The following ABCB8 variants were observed in gnomAD, a reference collection of about 807,000 sequenced individuals.
The protein encoded by ABCB8 is mitochondrial potassium channel ATP-binding subunit.
Under a neutral mutation model 73.0 loss-of-function variants are expected in ABCB8, and 52 were observed. That is an observed-to-expected ratio of 0.71 (90% CI 0.57 to 0.90). The LOEUF is 0.90. Ranked by LOEUF, ABCB8 falls within the 40% of genes least tolerant of loss-of-function variation. ABCB8 has a pLI of 0.00. For missense variants in ABCB8, 909 were observed against 974.6 expected, an observed-to-expected ratio of 0.93 and a Z score of 0.90; for synonymous variants, 428 against 423.5, an observed-to-expected ratio of 1.01 and a Z score of -0.13.
chr7:151,036,209 G>A (rs770877051), intron 8 of ABCB8, 39 bp downstream of exon 8: 22 of 1,561,432 alleles, frequency 1.4e-5, no homozygotes, highest in Non-Finnish European at 1.7e-5. Flanking sequence ...GCGCTTGTGG[G>A]CTGGGGAGGA....
intron 1 of ABCB8, chr7:151,029,041 AGGCCGGGCGC>A: frequency 8.6e-7 from 1 of 1,156,128 alleles, no homozygotes. Context: ...CCAATCTAAT[AGGCCGGGCGC>A]GGTGGCTCGC....
chr7:151,035,023 G>A (rs1796265496), intron 5 of ABCB8, among the ~76,000 whole-genome samples, 194 bp downstream of exon 5: 1 of 152,232 alleles, frequency 6.6e-6, no homozygotes. Context: ...CAGTGTCCAA[G>A]GTCAGGACAG....
chr7:151,031,401 A>C, intron 1 of ABCB8: 1 of 1,396,062 alleles, frequency 7.2e-7, no homozygotes, highest in Non-Finnish European at 9.5e-7. Context: ...CAAAAGGCAC[A>C]GGCCTTCCTG....
Position 151,034,607 on chromosome 7 carries a change from C to T in ABCB8, c.659+8C>T. The T allele has an allele frequency of 6.2e-7, 1 of 1,613,904 alleles. No individual in the cohort carries two copies. The highest frequency in any genetic ancestry group is 1.1e-5 in the South Asian group (1 of 91,088). On this transcript the variant is annotated splice_region_variant and intron_variant, in intron 4 of 15. Coordinates refer to ENST00000358849, the MANE Select transcript of ABCB8 (RefSeq NM_007188.5). The stretch of plus-strand genomic sequence containing the variant: ...CTTCAGCTCCCTGCTCCGGTACTGC[C>T]AGCCGCAGGGTGCAGAGTTGGGGTG...
chr7:151,042,098 C>T lies in ABCB8; in HGVS notation c.1755C>T (p.Asn585=), dbSNP rs776092694. Residue 585 remains asparagine (N), a synonymous_variant, in exon 14 of 16, where the codon AAC becomes AAT. Transcript: ENST00000358849. ...EFITSFPEGY[N]TVVGERGTTL... Reference sequence around the variant, plus strand: ...TCACCAGCTTCCCCGAGGGCTACAACACGGTCGTCGGTGGGTGCTCGGGTC... The same window carrying T: ...TCACCAGCTTCCCCGAGGGCTACAATACGGTCGTCGGTGGGTGCTCGGGTC... 2 of 1,613,062 alleles carry T rather than the reference C, an allele frequency of 1.2e-6. No homozygotes were observed. The highest frequency in any genetic ancestry group is 2.2e-5 in the East Asian group (1 of 44,878).
intron 1 of ABCB8, among the ~76,000 whole-genome samples, chr7:151,032,001 G>C (rs1337574920): frequency 6.6e-6 from 1 of 152,158 alleles, no homozygotes; most frequent in Non-Finnish European, 1.5e-5. Flanking sequence ...AAGTCCAGGA[G>C]CTTTATAAGA....
chr7:151,031,469 G>C, intron 1 of ABCB8: 3 of 754,686 alleles, frequency 4.0e-6, no homozygotes, highest in Non-Finnish European at 5.9e-6. Flanking sequence ...GATGTGAAAG[G>C]CCATGATGGT....
At chr7:151,036,987 T>C (rs1309863850) in intron 9 of ABCB8, 1 of 688,726 alleles carries the variant, frequency 1.5e-6, no homozygotes, top group African/African-American at 1.8e-5. Context: ...CATTTTGAAG[T>C]GTGCAGCTCA....
At chr7:151,029,337 T>C (rs1441100494) in intron 1 of ABCB8, among the ~76,000 whole-genome samples, 1 of 151,022 alleles carries the variant, frequency 6.6e-6, no homozygotes, top group African/African-American at 2.4e-5. Context: ...TAGTAACTTG[T>C]ACATGTGTGT....
In ABCB8 at chr7:151,036,150, T is replaced by A; in HGVS notation, c.1091T>A (p.Leu364His). 6.2e-7 allele frequency: 1 copy of A among 1,610,802 alleles called. No homozygotes were observed. Among genetic ancestry groups the A allele is most frequent in the African/African-American group, 1.3e-5 (1 of 75,008 alleles). ...LGRGIALFQG[L>H]SNIAFNCMVL... ...CGCGGCATCGCCTTGTTCCAAGGGC[T>A]TTCCAACATCGCCTTCAACTGTGAG... The change falls in exon 8 of 16, where the codon CTT becomes CAT. Residue 364 changes from leucine (L) to histidine (H), a missense_variant. Transcript: ENST00000358849.
At chr7:151,029,914 G>A (rs181123328) in intron 1 of ABCB8, among the ~76,000 whole-genome samples, 53 of 152,334 alleles carry the variant, frequency 3.5e-4, no homozygotes, top group Admixed American at 1.2e-3. Flanking sequence ...CTGACTGATG[G>A]AGGGCAAGAG....
intron 1 of ABCB8, among the ~76,000 whole-genome samples, chr7:151,032,203 G>A (rs945761890): frequency 6.6e-6 from 1 of 152,098 alleles, no homozygotes; most frequent in African/African-American, 2.4e-5. Context: ...CCCCCTCACA[G>A]GTTCCCCCTT....
At chr7:151,034,122 C>CT in intron 2 of ABCB8, 151 bp from the exon 3 acceptor site, 8 of 1,127,376 alleles carry the variant, frequency 7.1e-6, no homozygotes, top group Non-Finnish European at 9.9e-6. Flanking sequence ...GTTTGAACCT[C>CT]TGAGAGGCAC....
Position 151,045,481 on chromosome 7 carries a change from A to C in ABCB8, c.*132A>C. 8.4e-7 allele frequency: 1 copy of C among 1,185,862 alleles called. No homozygotes were observed. Among genetic ancestry groups the C allele is most frequent in the Non-Finnish European group, 1.1e-6 (1 of 918,112 alleles). 73.5% of individuals were successfully genotyped at this position (1,185,862 alleles called of 1,614,324 possible). Reference sequence around the variant, plus strand: ...AGAGTCGCTGCGGCTGCTCCTGCTCACAATAAAGCCGGGGCCGAGCAGCTG... The same window carrying C: ...AGAGTCGCTGCGGCTGCTCCTGCTCCCAATAAAGCCGGGGCCGAGCAGCTG... On this transcript the variant is annotated 3_prime_UTR_variant, in exon 16 of 16. Transcript: ENST00000358849.
Position 151,035,576 on chromosome 7 carries a change from C to T in ABCB8, c.766-5C>T, listed in dbSNP as rs1584949935. ...TAGCCTCCCGCCTTCCCTCCCACTC[C>T]CTAGGGGCTGCGAAGCTGCACCCAG... On this transcript the variant is annotated splice_region_variant and splice_polypyrimidine_tract_variant and intron_variant, in intron 5 of 15. Coordinates refer to ENST00000358849, the MANE Select transcript of ABCB8 (RefSeq NM_007188.5). 6.3e-7 allele frequency: 1 copy of T among 1,594,468 alleles called. No individual in the cohort carries two copies. The highest frequency in any genetic ancestry group is 8.6e-7 in the Non-Finnish European group (1 of 1,167,296).
Position 151,040,869 on chromosome 7 carries a change from C to T in ABCB8, c.1430C>T (p.Thr477Ile). 6.2e-7 allele frequency: 1 copy of T among 1,605,152 alleles called. No homozygotes were observed. Among genetic ancestry groups the T allele is most frequent in the Non-Finnish European group, 8.5e-7 (1 of 1,176,226 alleles). ...GGCTTCGAGGTGCTGAAAGACTTCA[C>T]CCTGACGCTGCCCCCTGGCAAGATC... ...RPGFEVLKDF[T>I]LTLPPGKIVA... Residue 477 changes from threonine (T) to isoleucine (I), a missense_variant, in exon 12 of 16, where the codon ACC becomes ATC. Physicochemically the swap from Thr to Ile is moderately conservative, Grantham distance 89. Coordinates refer to ENST00000358849, the MANE Select transcript of ABCB8 (RefSeq NM_007188.5).
At chr7:151,040,398 G>T in intron 10 of ABCB8, 97 bp downstream of exon 10, 1 of 1,584,504 alleles carries the variant, frequency 6.3e-7, no homozygotes. Flanking sequence ...GCGGGCAGAG[G>T]AGCTGGGGAG....
chr7:151,035,455 C>A, intron 5 of ABCB8, 126 bp from the exon 6 acceptor site: 1 of 1,156,110 alleles, frequency 8.6e-7, no homozygotes, highest in Non-Finnish European at 1.2e-6. Context: ...GCCACTGGGC[C>A]TCCCAGGGGC....
At chr7:151,038,533 C>G (rs1437231715) in intron 9 of ABCB8, 1 of 152,028 alleles carries the variant, frequency 6.6e-6, no homozygotes, top group Non-Finnish European at 1.5e-5. Context: ...AGCCCAGTGG[C>G]TCCCTTAATA....
Sources: allele counts gnomAD v4.1 joint callset (sites outside exome capture counted in the v4.1 genomes callset), GRCh38; gene constraint gnomAD v4.1.1; transcripts MANE v1.5; gene names NCBI Gene and HGNC (gene_info 2026-07-23, HGNC 2026-07-21).